ACACA: variants seen among roughly 807,000 people sequenced by gnomAD.
The protein encoded by ACACA is acetyl-CoA carboxylase 1.
Under a neutral mutation model 296.1 loss-of-function variants are expected in ACACA, and 103 were observed. That is an observed-to-expected ratio of 0.35 (90% confidence interval 0.30 to 0.41). The LOEUF is 0.41. Among genes scored for constraint, ACACA ranks in the 10% least tolerant of loss-of-function variants. ACACA has a pLI of 1.00. For missense variants in ACACA, 1,554 were observed against 2,989.7 expected (o/e 0.52, Z 11.20); for synonymous variants, 953 against 1,038.6 (o/e 0.92, Z 1.58).
At chr17:37,182,460 T>C (rs1175101860) in intron 39 of ACACA, among the ~76,000 whole-genome samples, 7 of 152,136 alleles carry the variant, frequency 4.6e-5, no homozygotes, top group Non-Finnish European at 7.4e-5. Flanking sequence ...CTACACTGGT[T>C]TTTAATCATT....
At chr17:37,118,780 C>G (rs1198080635) in intron 50 of ACACA, among the ~76,000 whole-genome samples, 1 of 152,118 alleles carries the variant, frequency 6.6e-6, no homozygotes, top group Non-Finnish European at 1.5e-5. Context: ...CTTAGAGGTG[C>G]TTGTTGTGAT....
At chr17:37,303,845 G>A (rs1004830129) in intron 3 of ACACA, among the ~76,000 whole-genome samples, 2 of 152,140 alleles carry the variant, frequency 1.3e-5, no homozygotes, top group Non-Finnish European at 1.5e-5. Context: ...GCAACAGAGC[G>A]AGACTCCGTC....
chr17:37,360,747 C>T (rs1337876688), intron 1 of ACACA, among the ~76,000 whole-genome samples: 1 of 152,138 alleles, frequency 6.6e-6, no homozygotes, highest in African/African-American at 2.4e-5. Flanking sequence ...CTTTACAGAA[C>T]AGGGATTCAT....
chr17:37,333,349 GAA>G (rs2047971955), intron 2 of ACACA, among the ~76,000 whole-genome samples: 1 of 117,896 alleles, frequency 8.5e-6, no homozygotes, highest in East Asian at 6.2e-4. Flanking sequence ...CATCAGAAAG[GAA>G]AGGAAAGGAA....
At chr17:37,117,997 A>C (rs1488991239) in intron 50 of ACACA, among the ~76,000 whole-genome samples, 2 of 152,188 alleles carry the variant, frequency 1.3e-5, no homozygotes. Context: ...CCAAAACTGC[A>C]AACATCTCCC....
rs116660813 is a variant in ACACA at position 37,176,759 on chromosome 17, C to G, written c.5079+2501G>C. 8.5e-3 allele frequency among the ~76,000 whole-genome samples: 1,287 copies of G among 152,262 alleles called. 14 individuals carry two copies. Among genetic ancestry groups the G allele is most frequent in the African/African-American group, 0.03 (1,231 of 41,548 alleles). On this transcript the variant is annotated intron_variant, in intron 41 of 55. Transcript: ENST00000616317. ...TGGTCAGTCTCTCAGTGGACATGCTCCATTGTATGTTCAAGCTATTGGTAG... is the reference window on the plus strand; with the variant it reads ...TGGTCAGTCTCTCAGTGGACATGCTGCATTGTATGTTCAAGCTATTGGTAG...
rs555516923 is a variant in ACACA, at chr17:37,094,920, G to A, written c.6891+2076C>T. The stretch of plus-strand genomic sequence containing the variant: ...GCAGCCTCCTACTGAGCTACGGGGT[G>A]GGGGTTCTCTTCTGTGCTTCAATTC... On this transcript the variant is annotated intron_variant, in intron 54 of 55. Transcript: ENST00000616317. Among the ~76,000 whole-genome samples, 18 of 152,352 alleles carry A rather than the reference G, an allele frequency of 1.2e-4. No homozygotes were observed. In the East Asian group the frequency reaches 3.5e-3, roughly 29 times the overall value.
chr17:37,171,705 C>T (rs2076890157), intron 41 of ACACA, among the ~76,000 whole-genome samples: 1 of 152,146 alleles, frequency 6.6e-6, no homozygotes, highest in Middle Eastern at 3.4e-3. Flanking sequence ...AAATTTTCAT[C>T]CCAGAGGTAA....
intron 45 of ACACA, among the ~76,000 whole-genome samples, chr17:37,138,229 G>A (rs1423550316): frequency 2.0e-5 from 3 of 152,140 alleles, no homozygotes; most frequent in Non-Finnish European, 4.4e-5. Flanking sequence ...GAATGAGAAG[G>A]GACATAGCTA....
At chr17:37,288,122 A>G (rs1482626670) in intron 3 of ACACA, among the ~76,000 whole-genome samples, 1 of 152,244 alleles carries the variant, frequency 6.6e-6, no homozygotes, top group Non-Finnish European at 1.5e-5. Flanking sequence ...ACACTATGCA[A>G]CATATCTAAT....
intron 25 of ACACA, among the ~76,000 whole-genome samples, chr17:37,232,175 C>G (rs923057064): frequency 6.6e-6 from 1 of 152,158 alleles, no homozygotes; most frequent in African/African-American, 2.4e-5. Context: ...GACATTGACT[C>G]ACGGAAGCCT....
At chr17:37,256,316 C>G (rs1316116700) in intron 14 of ACACA, among the ~76,000 whole-genome samples, 1 of 152,188 alleles carries the variant, frequency 6.6e-6, no homozygotes. Context: ...AAGGCAACTT[C>G]ATACCAATGT....
intron 43 of ACACA, among the ~76,000 whole-genome samples, chr17:37,152,893 A>G (rs900185648): frequency 5.3e-5 from 8 of 152,118 alleles, no homozygotes; most frequent in African/African-American, 1.9e-4. Context: ...CCCTCCATCA[A>G]TTCTTTTTCT....
At chr17:37,189,652 TA>T (rs914278280) in intron 38 of ACACA, among the ~76,000 whole-genome samples, 6 of 151,062 alleles carry the variant, frequency 4.0e-5, no homozygotes, top group African/African-American at 4.9e-5. Flanking sequence ...AAGCCAAATC[TA>T]AAAAAAAATA....
In ACACA at chr17:37,277,962, T is replaced by C; in HGVS notation, c.654A>G (p.Gly218=). The C allele has an allele frequency of 1.2e-6, 2 of 1,614,066 alleles. No individual in the cohort carries two copies. The highest frequency in any genetic ancestry group is 1.7e-6 in the Non-Finnish European group (2 of 1,179,912). The change falls in exon 6 of 56, where the codon GGA becomes GGG. Residue 218 remains glycine, a synonymous_variant. Transcript: ENST00000616317. The part of the protein sequence containing the change: ...MADHYVPVPG[G]PNNNNYANVE... ...CATTTGCATAGTTGTTGTTGTTTGG[T>C]CCTCCAGGCACTGGCACATAGTGAT... is the stretch of plus-strand genomic sequence containing the variant.
At chr17:37,230,137 C>A (rs1473891354) in intron 25 of ACACA, among the ~76,000 whole-genome samples, 1 of 151,756 alleles carries the variant, frequency 6.6e-6, no homozygotes, top group South Asian at 2.1e-4. Flanking sequence ...GTAATCCCAG[C>A]ATTTTGGGAG....
At position 37,249,108 on chromosome 17, in the gene ACACA, G is replaced by A. The variant is rs545860272; in HGVS notation, c.2082-434C>T. ...TACTTCATATAAGTAAAACCATATAGTATTTGTCTTTTTGTGACAGGCTTA... is the reference window on the plus strand; with the variant it reads ...TACTTCATATAAGTAAAACCATATAATATTTGTCTTTTTGTGACAGGCTTA... On this transcript the variant is annotated intron_variant, in intron 16 of 55. Transcript: ENST00000616317. Among the ~76,000 whole-genome samples the A allele has an allele frequency of 3.3e-3, 509 of 152,266 alleles. 4 individuals are homozygous for A. Among genetic ancestry groups the A allele is most frequent in the African/African-American group, 0.011 (474 of 41,534 alleles).
chr17:37,265,762 T>G (rs1218435852), intron 10 of ACACA, among the ~76,000 whole-genome samples: 1 of 152,064 alleles, frequency 6.6e-6, no homozygotes, highest in African/African-American at 2.4e-5. Context: ...TCCCTGGGAG[T>G]AGGTCCTTAA....
chr17:37,322,212 T>C (rs1173856058), intron 3 of ACACA, among the ~76,000 whole-genome samples: 1 of 152,104 alleles, frequency 6.6e-6, no homozygotes, highest in African/African-American at 2.4e-5. Flanking sequence ...CCTTCCTGAG[T>C]GAATATACTT....
Sources: allele counts gnomAD v4.1 joint callset (sites outside exome capture counted in the v4.1 genomes callset), GRCh38; gene constraint gnomAD v4.1.1; transcripts MANE v1.5; gene names NCBI Gene and HGNC (gene_info 2026-07-23, HGNC 2026-07-21).